The following TAF4 variants were observed in gnomAD, a reference collection of about 807,000 sequenced individuals.
TAF4 encodes transcription initiation factor TFIID subunit 4.
A neutral mutation model predicts 90.3 loss-of-function variants in TAF4; 9 were observed. The observed-to-expected ratio is 0.10, with a 90% CI of 0.06 to 0.17. The LOEUF (loss-of-function observed/expected upper bound fraction) is 0.17. Among genes scored for constraint, TAF4 ranks in the 10% least tolerant of loss-of-function variants. The pLI is 1.00. For missense variants in TAF4, 1,351 were observed against 1,370.7 expected, an observed-to-expected ratio of 0.99 and a Z score of 0.23; for synonymous variants, 818 against 638.9, an observed-to-expected ratio of 1.28 and a Z score of -4.23.
At chr20:62,030,835 T>C (rs1032136286) in intron 1 of TAF4, among the ~76,000 whole-genome samples, 5 of 152,204 alleles carry the variant, frequency 3.3e-5, no homozygotes, top group African/African-American at 7.2e-5. Context: ...TGGAACCTCA[T>C]GGATAAACAC....
At chr20:61,976,699 C>G (rs1418920174) in intron 14 of TAF4, among the ~76,000 whole-genome samples, 1 of 152,272 alleles carries the variant, frequency 6.6e-6, no homozygotes, top group Admixed American at 6.5e-5. Context: ...TGCCTGTGGA[C>G]TCAGCTGGGG....
chr20:61,983,684 A>G (rs907451856), intron 14 of TAF4, among the ~76,000 whole-genome samples: 3 of 152,204 alleles, frequency 2.0e-5, no homozygotes, highest in Non-Finnish European at 4.4e-5. Flanking sequence ...AAAAATTTAC[A>G]TAATTATAAA....
chr20:62,063,991 G>C (rs1048476414), intron 1 of TAF4, among the ~76,000 whole-genome samples: 3 of 152,230 alleles, frequency 2.0e-5, no homozygotes, highest in African/African-American at 7.2e-5. Flanking sequence ...TGGGGACACA[G>C]GCCACACGCC....
At position 62,003,762 on chromosome 20, in the gene TAF4, A is replaced by G; in HGVS notation, c.2340T>C (p.Pro780=). The G allele has an allele frequency of 6.2e-7, 1 of 1,606,000 alleles. No individual in the cohort carries two copies. Among genetic ancestry groups the G allele is most frequent in the Non-Finnish European group, 8.5e-7 (1 of 1,178,760 alleles). The part of the protein sequence containing the change: ...QPHNRIMLTT[P]QQIQLNPLQP... The stretch of plus-strand genomic sequence containing the variant: ...GCAGTGGGTTCAGCTGGATCTGCTG[A>G]GGCGTGGTGAGCATGATCCGGTTGT... Residue 780 remains proline (P), a synonymous_variant, in exon 8 of 15, where the codon CCT becomes CCC. Coordinates refer to ENST00000252996, the MANE Select transcript of TAF4 (RefSeq NM_003185.4).
At chr20:62,043,608 C>T (rs1044307866) in intron 1 of TAF4, among the ~76,000 whole-genome samples, 2 of 152,158 alleles carry the variant, frequency 1.3e-5, no homozygotes, top group African/African-American at 4.8e-5. Flanking sequence ...GAGTGCCCTA[C>T]ACAGATGCAC....
At chr20:61,993,218 C>G (rs941840349) in intron 14 of TAF4, among the ~76,000 whole-genome samples, 4 of 152,214 alleles carry the variant, frequency 2.6e-5, no homozygotes, top group African/African-American at 9.6e-5. Flanking sequence ...AGGCATGAAG[C>G]ATGACCAGCC....
rs142273337 is a variant in TAF4, at chr20:62,048,666, A to T, written c.1360+15785T>A. Among the ~76,000 whole-genome samples the T allele has an allele frequency of 7.4e-3, 1,017 of 138,270 alleles. 4 individuals are homozygous for T. The highest frequency in any genetic ancestry group is 9.0e-3 in the Non-Finnish European group (578 of 63,898). 90.7% of individuals were successfully genotyped at this position (138,270 alleles called of 152,430 possible). On this transcript the variant is annotated intron_variant, in intron 1 of 14. Coordinates refer to ENST00000252996, the MANE Select transcript of TAF4 (RefSeq NM_003185.4). ...TATGCCCACCTTGTGACCAGGCACCATCCCCCCAGGGCCCTCTCCTGGCGT... is the reference window on the plus strand; with the variant it reads ...TATGCCCACCTTGTGACCAGGCACCTTCCCCCCAGGGCCCTCTCCTGGCGT...
rs2055745114 is a variant in TAF4 at position 62,006,376 on chromosome 20, A to G, written c.2223+134T>C. ...TTCTATTTTAACTATTTAAGGTAAT[A>G]CCCAAGCTTCCTCTAGCAGGAGGCT... On this transcript the variant is annotated intron_variant, in intron 7 of 14. Coordinates refer to ENST00000252996, the MANE Select transcript of TAF4 (RefSeq NM_003185.4). This position sits in a 1 kb window ranked among gnomAD's most constrained non-coding sequence, Gnocchi z 7.0. 8.4e-7 allele frequency: 1 copy of G among 1,184,990 alleles called. No individual in the cohort carries two copies. Among genetic ancestry groups the G allele is most frequent in the African/African-American group, 1.6e-5 (1 of 62,968 alleles). 73.4% of individuals were successfully genotyped at this position (1,184,990 alleles called of 1,614,324 possible). A position where few individuals can be genotyped will look rare whatever the true frequency, so the allele number is the denominator to read the frequency against.
intron 12 of TAF4, 27 bp from the exon 13 acceptor site, chr20:61,998,219 AAG>A (rs1344982439): frequency 6.2e-7 from 1 of 1,608,372 alleles, no homozygotes; most frequent in East Asian, 2.2e-5. Flanking sequence ...CAGAAAAGAA[AAG>A]TAAGTTATGA....
rs371619863 is a variant in TAF4 at position 62,000,536 on chromosome 20, T to A, written c.2656+16A>T. On this transcript the variant is annotated intron_variant, in intron 10 of 14. Transcript: ENST00000252996. Reference sequence around the variant, plus strand: ...CAGCTGTTTAATAAGAACTCAGTCATTAAACACCAACGTACCTATTTCTAA... The same window carrying A: ...CAGCTGTTTAATAAGAACTCAGTCAATAAACACCAACGTACCTATTTCTAA... The A allele has an allele frequency of 6.2e-7, 1 of 1,607,628 alleles. No homozygotes were observed. Among genetic ancestry groups the A allele is most frequent in the African/African-American group, 1.3e-5 (1 of 74,722 alleles).
intron 1 of TAF4, among the ~76,000 whole-genome samples, chr20:62,036,947 C>CTT (rs1291092928): frequency 6.6e-6 from 1 of 152,210 alleles, no homozygotes; most frequent in African/African-American, 2.4e-5. Flanking sequence ...CTTCCACACT[C>CTT]TGAGGACACA....
At chr20:62,009,940 G>A in intron 4 of TAF4, 106 bp downstream of exon 4, 1 of 1,547,838 alleles carries the variant, frequency 6.5e-7, no homozygotes, top group Non-Finnish European at 8.8e-7. Flanking sequence ...GAAGCAAGCA[G>A]TGAGCGGTCT....
At chr20:62,059,675 G>A (rs2056079028) in intron 1 of TAF4, among the ~76,000 whole-genome samples, 1 of 152,224 alleles carries the variant, frequency 6.6e-6, no homozygotes, top group African/African-American at 2.4e-5. Flanking sequence ...CACGCTGCCT[G>A]AGCCGGGCAC....
chr20:62,018,632 G>A (rs1051878560), intron 1 of TAF4, among the ~76,000 whole-genome samples: 2 of 152,222 alleles, frequency 1.3e-5, no homozygotes, highest in Non-Finnish European at 2.9e-5. Flanking sequence ...TCCCCAGAGA[G>A]AGCCACGTGG....
Position 62,065,277 on chromosome 20 carries a change from G to A in TAF4, c.534C>T (p.Pro178=), listed in dbSNP as rs1195958803. The change falls in exon 1 of 15, where the codon CCC becomes CCT. Residue 178 remains proline, a synonymous_variant. Transcript: ENST00000252996. Reference sequence around the variant, plus strand: ...CAGGGCCAGGGCCGGGGCCGGGGCCGGGGCCGGGCCCGGGGCCGGGGCCGG... The same window carrying A: ...CAGGGCCAGGGCCGGGGCCGGGGCCAGGGCCGGGCCCGGGGCCGGGGCCGG... The part of the protein sequence containing the change: ...ARAGPGPGPG[P]GPGPGPGPGK... The A allele has an allele frequency of 2.1e-6, 2 of 931,730 alleles. No individual in the cohort carries two copies. The highest frequency in any genetic ancestry group is 1.9e-5 in the African/African-American group (1 of 52,554). The allele number at this position is 931,730 out of a possible 1,614,324, so 57.7% of individuals were successfully genotyped here.
In TAF4 at chr20:62,032,191, G is replaced by A. The variant is rs192419585; in HGVS notation, c.1361-17484C>T. Among the ~76,000 whole-genome samples, 1,322 of 152,276 alleles carry A rather than the reference G, an allele frequency of 8.7e-3. 21 individuals are homozygous for A. Among genetic ancestry groups the A allele is most frequent in the African/African-American group, 0.03 (1,249 of 41,566 alleles). Reference sequence around the variant, plus strand: ...TGGTGCTTCCAGGCCAGCGGTGGGGGCAGTCAACTCTGCAAGCAGTCGGCT... The same window carrying A: ...TGGTGCTTCCAGGCCAGCGGTGGGGACAGTCAACTCTGCAAGCAGTCGGCT... On this transcript the variant is annotated intron_variant, in intron 1 of 14. Transcript: ENST00000252996.
At chr20:62,036,506 C>A (rs1382385074) in intron 1 of TAF4, among the ~76,000 whole-genome samples, 1 of 152,176 alleles carries the variant, frequency 6.6e-6, no homozygotes, top group African/African-American at 2.4e-5. Context: ...GCAAGACAAA[C>A]TGCAAGGAAA....
intron 8 of TAF4, among the ~76,000 whole-genome samples, 184 bp from the exon 9 acceptor site, chr20:62,003,458 T>C (rs1449894863): frequency 6.6e-6 from 1 of 152,260 alleles, no homozygotes; most frequent in Admixed American, 6.5e-5. Context: ...CTCTCGAGCA[T>C]TTATTTTCCT....
At chr20:62,041,267 T>C (rs1238645800) in intron 1 of TAF4, among the ~76,000 whole-genome samples, 1 of 152,184 alleles carries the variant, frequency 6.6e-6, no homozygotes, top group African/African-American at 2.4e-5. Context: ...GGACATTTTA[T>C]TGTATATAAA....
Sources: allele counts gnomAD v4.1 joint callset (sites outside exome capture counted in the v4.1 genomes callset), GRCh38; gene constraint gnomAD v4.1.1; non-coding constraint Gnocchi (gnomAD v3.1); transcripts MANE v1.5; gene names NCBI Gene and HGNC (gene_info 2026-07-23, HGNC 2026-07-21).